The following ANKS6 variants were observed in gnomAD, a reference collection of about 807,000 sequenced individuals.
ANKS6 encodes the protein ankyrin repeat and sterile alpha motif domain containing 6.
ANKS6 carries 47 observed loss-of-function variants against 77.9 expected under a neutral mutation model. The ratio of observed to expected loss-of-function variants is 0.60; its 90% CI spans 0.48 to 0.77. The LOEUF is 0.77. ANKS6 is among the 30% of genes least tolerant of loss of function. The pLI is 0.00. For missense variants in ANKS6, 1,150 were observed against 1,159.1 expected, an observed-to-expected ratio of 0.99 and a Z score of 0.11; for synonymous variants, 488 against 501.7, an observed-to-expected ratio of 0.97 and a Z score of 0.37.
At chr9:98,757,029 A>G (rs1428430958) in intron 11 of ANKS6, among the ~76,000 whole-genome samples, 1 of 152,184 alleles carries the variant, frequency 6.6e-6, no homozygotes, top group African/African-American at 2.4e-5. Context: ...CATCTACACC[A>G]AAGAACACGT....
chr9:98,765,012 C>G (rs191288099), intron 11 of ANKS6, among the ~76,000 whole-genome samples: 54 of 152,260 alleles, frequency 3.5e-4, no homozygotes, highest in Non-Finnish European at 5.7e-4. Context: ...TCCTACTAAG[C>G]CTTTAATGCT....
intron 14 of ANKS6, 28 bp from the exon 15 acceptor site, chr9:98,736,651 G>C: frequency 6.4e-7 from 1 of 1,574,178 alleles, no homozygotes; most frequent in Non-Finnish European, 8.6e-7. Context: ...AACAGACACA[G>C]AAAGTCTTAT....
At chr9:98,767,668 G>A (rs1373464063) in intron 11 of ANKS6, among the ~76,000 whole-genome samples, 2 of 152,238 alleles carry the variant, frequency 1.3e-5, no homozygotes, top group Non-Finnish European at 2.9e-5. Flanking sequence ...CAGCCAACAC[G>A]GACATGAGCT....
At position 98,747,848 on chromosome 9, in the gene ANKS6, C is replaced by T. The variant is rs1033322438; in HGVS notation, c.2395-2173G>A. Among the ~76,000 whole-genome samples, 3 of 152,200 alleles carry T rather than the reference C, an allele frequency of 2.0e-5. No homozygotes were observed. The East Asian group carries it at 5.8e-4, about 29-fold the overall frequency. Reference sequence around the variant, plus strand: ...GCATCTACCTCAAGCCCATGGTGTACAGAAGCAAGTCCACATTGTCCAGGC... The same window carrying T: ...GCATCTACCTCAAGCCCATGGTGTATAGAAGCAAGTCCACATTGTCCAGGC... On this transcript the variant is annotated intron_variant, in intron 13 of 14. Transcript: ENST00000353234.
In ANKS6 at chr9:98,732,769, A is replaced by G. The variant is rs895198756; in HGVS notation, c.*3750T>C. 69 of 1,411,132 alleles carry G rather than the reference A, an allele frequency of 4.9e-5. No homozygotes were observed. The highest frequency in any genetic ancestry group is 2.9e-5 in the Admixed American group (1 of 33,992). The allele number at this position is 1,411,132 out of a possible 1,614,324, so 87.4% of individuals were successfully genotyped here. On this transcript the variant is annotated 3_prime_UTR_variant, in exon 15 of 15. Coordinates refer to ENST00000353234, the MANE Select transcript of ANKS6 (RefSeq NM_173551.5). ...AGAAACGTGCTCAACATCACGCAGC[A>G]CTAGGTCTATGTCCAGTGCTCTTTC...
In ANKS6 at chr9:98,735,541, C is replaced by T; in HGVS notation, c.*978G>A. On this transcript the variant is annotated 3_prime_UTR_variant, in exon 15 of 15. Transcript: ENST00000353234. Reference sequence around the variant, plus strand: ...GGATGTAGACAAAATTCCAAATTTTCACTTCTTTGCCTAGAAACTTTGAGC... The same window carrying T: ...GGATGTAGACAAAATTCCAAATTTTTACTTCTTTGCCTAGAAACTTTGAGC... 8.1e-7 allele frequency: 1 copy of T among 1,230,292 alleles called. No homozygotes were observed. The highest frequency in any genetic ancestry group is 1.0e-6 in the Non-Finnish European group (1 of 987,622). The allele number at this position is 1,230,292 out of a possible 1,614,324, so 76.2% of individuals were successfully genotyped here. A position where few individuals can be genotyped will look rare whatever the true frequency, so the allele number is the denominator to read the frequency against.
At chr9:98,776,654 G>A (rs573965520) in intron 8 of ANKS6, among the ~76,000 whole-genome samples, 9 of 152,236 alleles carry the variant, frequency 5.9e-5, no homozygotes, top group South Asian at 4.1e-4. Context: ...ACCTGCCTCC[G>A]CCTCCCAAAG....
chr9:98,735,650 A>C lies in ANKS6; in HGVS notation c.*869T>G, dbSNP rs1474888209. On this transcript the variant is annotated 3_prime_UTR_variant, in exon 15 of 15. Transcript: ENST00000353234. ...AAGCCCTGCAGTGATACAGGTGAGCACTGTGGAGTACCAGAGCATCATCTG... is the reference window on the plus strand; with the variant it reads ...AAGCCCTGCAGTGATACAGGTGAGCCCTGTGGAGTACCAGAGCATCATCTG... The C allele has an allele frequency of 8.1e-7, 1 of 1,231,770 alleles. No homozygotes were observed. The highest frequency in any genetic ancestry group is 1.5e-5 in the African/African-American group (1 of 64,552). 76.3% of individuals were successfully genotyped at this position (1,231,770 alleles called of 1,614,324 possible). A position where few individuals can be genotyped will look rare whatever the true frequency, so the allele number is the denominator to read the frequency against.
chr9:98,782,490 A>C lies in ANKS6; in HGVS notation c.1196T>G (p.Leu399Arg). The C allele has an allele frequency of 6.2e-7, 1 of 1,614,116 alleles. No individual in the cohort carries two copies. The highest frequency in any genetic ancestry group is 8.5e-7 in the Non-Finnish European group (1 of 1,179,952). The change falls in exon 5 of 15, where the codon CTG (leucine) becomes CGG (arginine). Residue 399 changes from leucine to arginine, a missense_variant. Leu to Arg is a moderately radical substitution (Grantham distance 102, BLOSUM62 -2). Coordinates refer to ENST00000353234, the MANE Select transcript of ANKS6 (RefSeq NM_173551.5). ...RAKNGYTAFD[L>R]VMLLNDPDTE... is the part of the protein sequence containing the mutation. ...ACCGGGATCATTCAGCAGCATCACCAGGTCAAAGGCCGTGTATCCATTTTT... is the reference window on the plus strand; with the variant it reads ...ACCGGGATCATTCAGCAGCATCACCCGGTCAAAGGCCGTGTATCCATTTTT...
intron 9 of ANKS6, among the ~76,000 whole-genome samples, chr9:98,773,087 C>T (rs1021885670): frequency 6.6e-6 from 1 of 152,162 alleles, no homozygotes; most frequent in African/African-American, 2.4e-5. Context: ...TCTACAACTC[C>T]CCCGTTCCTA....
At chr9:98,766,996 A>G (rs1833337283) in intron 11 of ANKS6, among the ~76,000 whole-genome samples, 1 of 152,118 alleles carries the variant, frequency 6.6e-6, no homozygotes, top group Non-Finnish European at 1.5e-5. Flanking sequence ...TTGGTGGAGG[A>G]GCCAGCTCAC....
intron 14 of ANKS6, 84 bp downstream of exon 14, chr9:98,745,475 A>C: frequency 3.1e-6 from 4 of 1,310,390 alleles, no homozygotes; most frequent in Non-Finnish European, 4.4e-6. Flanking sequence ...AGAGAGAGGA[A>C]GTAAGACCTT....
At chr9:98,771,838 C>T (rs999374773) in intron 9 of ANKS6, among the ~76,000 whole-genome samples, 2 of 152,114 alleles carry the variant, frequency 1.3e-5, no homozygotes, top group African/African-American at 4.8e-5. Context: ...GGCTCCTCAA[C>T]ACACGGCTGT....
At chr9:98,766,243 A>G (rs1833278475) in intron 11 of ANKS6, among the ~76,000 whole-genome samples, 1 of 152,242 alleles carries the variant, frequency 6.6e-6, no homozygotes, top group South Asian at 2.1e-4. Flanking sequence ...GAATATACTT[A>G]TATATAATGT....
At chr9:98,795,971 G>T in intron 1 of ANKS6, 162 bp downstream of exon 1, 5 of 718,302 alleles carry the variant, frequency 7.0e-6, no homozygotes, top group Non-Finnish European at 9.6e-6. Flanking sequence ...GTGTTTCCAC[G>T]TCTATGCTCA....
chr9:98,746,123 GA>G, intron 13 of ANKS6: 1 of 160,374 alleles, frequency 6.2e-6, no homozygotes. Flanking sequence ...GAAATAAGCA[GA>G]AGCAATAAAG....
At chr9:98,771,929 T>A (rs1833659642) in intron 9 of ANKS6, among the ~76,000 whole-genome samples, 1 of 152,170 alleles carries the variant, frequency 6.6e-6, no homozygotes, top group South Asian at 2.1e-4. Flanking sequence ...GTTGCCTGTG[T>A]GTATGATGCC....
At chr9:98,783,803 CTTTTT>C (rs10711864) in intron 4 of ANKS6, 145 bp downstream of exon 4, 36 of 420,000 alleles carry the variant, frequency 8.6e-5, no homozygotes, top group East Asian at 1.7e-4. Context: ...GCCTGTGCCG[CTTTTT>C]TTTTTTTTTT....
At chr9:98,787,881 A>ATTT (rs1252098218) in intron 2 of ANKS6, among the ~76,000 whole-genome samples, 8 of 152,236 alleles carry the variant, frequency 5.3e-5, no homozygotes, top group African/African-American at 1.4e-4. Flanking sequence ...CTCCTGTCAA[A>ATTT]TAACGCCGAC....
Sources: gnomAD v4.1 joint callset for allele counts (sites outside exome capture counted in the v4.1 genomes callset) on GRCh38, gnomAD v4.1.1 for gene constraint, MANE v1.5 for transcripts, NCBI Gene and HGNC (gene_info 2026-07-23, HGNC 2026-07-21) for gene names.